Variants in DRICH1 observed in about 807,000 individuals in gnomAD.
The protein encoded by DRICH1 is aspartate rich 1, also known as aspartate-rich protein 1.
Under a neutral mutation model 39.5 loss-of-function variants are expected in DRICH1, and 38 were observed. That is an observed-to-expected ratio of 0.96 (90% CI 0.74 to 1.26). The LOEUF (loss-of-function observed/expected upper bound fraction) is 1.26. DRICH1 is among the 50% of genes most tolerant of loss of function. The pLI is 0.00. For missense variants in DRICH1, 279 were observed against 270.4 expected, an observed-to-expected ratio of 1.03 and a Z score of -0.22; for synonymous variants, 84 against 99.5, an observed-to-expected ratio of 0.84 and a Z score of 0.93.
At chr22:23,601,398 A>G in the DRICH1 span, among the ~76,000 whole-genome samples, 1 of 152,250 alleles carries the variant, frequency 6.6e-6, no homozygotes, top group Non-Finnish European at 1.5e-5. Flanking sequence ...CTAGGTTGCA[A>G]TTGAGCCACC....
At chr22:23,611,600 C>T (rs1927039173) in intron 11 of DRICH1, among the ~76,000 whole-genome samples, 2 of 152,042 alleles carry the variant, frequency 1.3e-5, no homozygotes, top group Non-Finnish European at 2.9e-5. Context: ...ACTGTGTGAG[C>T]CAGGATGGTC....
At chr22:23,586,539 TTTTG>T in the DRICH1 span, among the ~76,000 whole-genome samples, 2 of 151,982 alleles carry the variant, frequency 1.3e-5, no homozygotes, top group South Asian at 2.1e-4. Flanking sequence ...CTGATGAGGT[TTTTG>T]TTTGTTTGTT....
At chr22:23,583,209 A>C in the DRICH1 span, 1 of 151,302 alleles carries the variant, frequency 6.6e-6, no homozygotes, top group Non-Finnish European at 1.5e-5. Context: ...AATCTTTTGG[A>C]AAGTGCTGTC....
the DRICH1 span, among the ~76,000 whole-genome samples, chr22:23,599,507 G>C: frequency 6.6e-6 from 1 of 152,188 alleles, no homozygotes; most frequent in Non-Finnish European, 1.5e-5. Context: ...AGAATGGAAG[G>C]AATTTTTGGG....
chr22:23,585,240 C>T, the DRICH1 span, among the ~76,000 whole-genome samples: 281 of 152,064 alleles, frequency 1.8e-3, 4 homozygotes, highest in East Asian at 0.028. Flanking sequence ...TAGGCTCAAG[C>T]GATCTTCCCA....
the DRICH1 span, chr22:23,583,199 A>T: frequency 6.6e-6 from 1 of 151,760 alleles, no homozygotes; most frequent in African/African-American, 2.4e-5. Context: ...TTGGATGGAA[A>T]ATCTTTTGGA....
At chr22:23,616,985 G>T (rs1426940959) in intron 7 of DRICH1, 111 bp from the exon 8 acceptor site, 45 of 1,273,696 alleles carry the variant, frequency 3.5e-5, no homozygotes, top group Non-Finnish European at 5.1e-5. Flanking sequence ...TAAGACAGTG[G>T]TAAGTCAAGG....
In DRICH1 at chr22:23,632,159, G is replaced by A; in HGVS notation, c.-136C>T. ...GACCCCAGGCAGATCTGGGTCCTCAGCCCTTATTCTGCCGCCACCTCCCAA... is the reference window on the plus strand; with the variant it reads ...GACCCCAGGCAGATCTGGGTCCTCAACCCTTATTCTGCCGCCACCTCCCAA... On this transcript the variant is annotated 5_prime_UTR_variant, in exon 1 of 12. Transcript: ENST00000317749. The A allele has an allele frequency of 7.0e-7, 1 of 1,420,436 alleles. No individual in the cohort carries two copies. Among genetic ancestry groups the A allele is most frequent in the South Asian group, 1.4e-5 (1 of 70,158 alleles). The allele number at this position is 1,420,436 out of a possible 1,614,324, so 88.0% of individuals were successfully genotyped here. A position where few individuals can be genotyped will look rare whatever the true frequency, so the allele number is the denominator to read the frequency against.
chr22:23,598,083 G>A, the DRICH1 span, among the ~76,000 whole-genome samples: 1 of 150,586 alleles, frequency 6.6e-6, no homozygotes, highest in Non-Finnish European at 1.5e-5. Context: ...CTGGGAAGGT[G>A]AATCCCCCAC....
intron 1 of DRICH1, among the ~76,000 whole-genome samples, chr22:23,631,119 TAAAA>T (rs912047382): frequency 6.6e-6 from 1 of 151,768 alleles, no homozygotes; most frequent in East Asian, 1.9e-4. Context: ...CCTCGGAACT[TAAAA>T]AAAATTAAAT....
chr22:23,615,299 C>T (rs1337054683), intron 8 of DRICH1, among the ~76,000 whole-genome samples: 2 of 152,192 alleles, frequency 1.3e-5, no homozygotes, highest in African/African-American at 2.4e-5. Flanking sequence ...TCACTTGAAT[C>T]TTGGAGGCAG....
At chr22:23,601,573 A>G in the DRICH1 span, among the ~76,000 whole-genome samples, 1 of 152,146 alleles carries the variant, frequency 6.6e-6, no homozygotes, top group Non-Finnish European at 1.5e-5. Flanking sequence ...GACAGTGGGA[A>G]GTGAGTGTTC....
chr22:23,583,300 T>C, the DRICH1 span: 1 of 152,204 alleles, frequency 6.6e-6, no homozygotes, highest in African/African-American at 2.4e-5. Flanking sequence ...AAGCCACCCT[T>C]TGCCTTAGGT....
intron 11 of DRICH1, among the ~76,000 whole-genome samples, chr22:23,609,397 T>C (rs1926911270): frequency 6.6e-6 from 1 of 152,134 alleles, no homozygotes; most frequent in Admixed American, 6.5e-5. Flanking sequence ...GCCTTGTACA[T>C]TGTGGGTACC....
the DRICH1 span, among the ~76,000 whole-genome samples, chr22:23,587,751 C>T: frequency 2.0e-5 from 3 of 152,230 alleles, no homozygotes; most frequent in African/African-American, 7.2e-5. Flanking sequence ...GGTCTCCCCA[C>T]CGTGCATGCA....
the DRICH1 span, among the ~76,000 whole-genome samples, chr22:23,591,064 C>T: frequency 6.6e-6 from 1 of 152,220 alleles, no homozygotes; most frequent in East Asian, 1.9e-4. Context: ...CTTCTCTAGC[C>T]GTTCTCACTC....
intron 4 of DRICH1, 141 bp from the exon 5 acceptor site, chr22:23,620,756 A>G: frequency 1.1e-6 from 1 of 925,358 alleles, no homozygotes; most frequent in Non-Finnish European, 1.8e-6. Flanking sequence ...CAAACATTCT[A>G]GCATAGAGAA....
chr22:23,581,507 AG>A, the DRICH1 span: 1 of 151,906 alleles, frequency 6.6e-6, no homozygotes, highest in Non-Finnish European at 1.5e-5. Flanking sequence ...CTCACACTCC[AG>A]GGCTGGGTTG....
the DRICH1 span, among the ~76,000 whole-genome samples, chr22:23,589,453 A>AT: frequency 1.3e-5 from 2 of 150,992 alleles, no homozygotes; most frequent in Non-Finnish European, 1.5e-5. Context: ...TGTCTCATTA[A>AT]AAAAAACCCA....
Sources: allele counts gnomAD v4.1 joint callset (sites outside exome capture counted in the v4.1 genomes callset), GRCh38; gene constraint gnomAD v4.1.1; transcripts MANE v1.5; gene names NCBI Gene and HGNC (gene_info 2026-07-23, HGNC 2026-07-21).